The following ADAMTSL1 variants were observed in gnomAD, a reference collection of about 807,000 sequenced individuals.
ADAMTSL1 encodes the protein ADAMTS-like protein 1.
In ADAMTSL1, 126 loss-of-function variants were observed where a neutral mutation model predicts 201.8. The ratio of observed to expected loss-of-function variants is 0.62; its 90% confidence interval spans 0.54 to 0.72. The LOEUF is 0.72. ADAMTSL1 is among the 30% of genes least tolerant of loss of function. The pLI is 0.00. For missense variants in ADAMTSL1, 2,679 were observed against 2,277.8 expected (o/e 1.18, Z -3.59); for synonymous variants, 1,121 against 903.4 (o/e 1.24, Z -4.32).
chr9:17,960,880 G>A (rs945330613), intron 1 of ADAMTSL1, among the ~76,000 whole-genome samples: 1 of 152,104 alleles, frequency 6.6e-6, no homozygotes, highest in Non-Finnish European at 1.5e-5. Context: ...AACTATGTCA[G>A]GTCTCTGGAC....
At chr9:18,545,743 C>A (rs1037839468) in intron 3 of ADAMTSL1, among the ~76,000 whole-genome samples, 4 of 152,148 alleles carry the variant, frequency 2.6e-5, no homozygotes, top group Non-Finnish European at 2.9e-5. Context: ...TCTAGTGAAC[C>A]AGATAGAAGC....
upstream of ADAMTSL1, among the ~76,000 whole-genome samples, chr9:18,470,952 C>T (rs901721774): frequency 5.9e-5 from 9 of 152,130 alleles, no homozygotes; most frequent in Admixed American, 2.6e-4. Context: ...CACTTGCAGA[C>T]GGTTTTAATT....
chr9:18,438,518 C>G (rs1488430657), intron 2 of ADAMTSL1, among the ~76,000 whole-genome samples: 1 of 152,132 alleles, frequency 6.6e-6, no homozygotes, highest in South Asian at 2.1e-4. Context: ...ATTTTGGAAC[C>G]AAGGCTGGCT....
At chr9:18,753,591 T>C in intron 16 of ADAMTSL1, 83 bp downstream of exon 16, 15 of 1,458,996 alleles carry the variant, frequency 1.0e-5, no homozygotes, top group Non-Finnish European at 1.4e-5. Context: ...AGTGGTTTTG[T>C]CCAGGGATGT....
intron 2 of ADAMTSL1, among the ~76,000 whole-genome samples, chr9:18,213,880 C>T (rs1037470047): frequency 3.9e-5 from 6 of 152,048 alleles, no homozygotes; most frequent in African/African-American, 1.4e-4. Flanking sequence ...GCTGGGATTA[C>T]ACGCCTGGCT....
intron 2 of ADAMTSL1, among the ~76,000 whole-genome samples, chr9:18,218,740 C>G (rs1830146091): frequency 1.3e-5 from 2 of 151,844 alleles, no homozygotes; most frequent in Non-Finnish European, 1.5e-5. Flanking sequence ...TTTGGAGCCT[C>G]TTCTTATATA....
chr9:18,293,878 G>A (rs1833369900), intron 2 of ADAMTSL1, among the ~76,000 whole-genome samples: 1 of 152,156 alleles, frequency 6.6e-6, no homozygotes, highest in African/African-American at 2.4e-5. Flanking sequence ...GCTTCTAATA[G>A]GCCAAAAATG....
intron 2 of ADAMTSL1, among the ~76,000 whole-genome samples, chr9:18,324,479 A>C (rs975598434): frequency 6.6e-6 from 1 of 151,658 alleles, no homozygotes; most frequent in Non-Finnish European, 1.5e-5. Context: ...AACACACTAC[A>C]TCAGGCTAGG....
chr9:17,965,849 G>A (rs550265307), intron 1 of ADAMTSL1, among the ~76,000 whole-genome samples: 12 of 152,220 alleles, frequency 7.9e-5, no homozygotes, highest in African/African-American at 2.6e-4. Context: ...CCAGTCCTCT[G>A]GGCGATGGGA....
chr9:18,185,044 T>C (rs1295425774), intron 2 of ADAMTSL1, among the ~76,000 whole-genome samples: 1 of 152,118 alleles, frequency 6.6e-6, no homozygotes, highest in Admixed American at 6.6e-5. Context: ...ATTTTGGATG[T>C]CAGATTTTCA....
rs924324148 is a variant in ADAMTSL1 at position 18,660,512 on chromosome 9, A to G, written c.947-1423A>G. 8.5e-5 allele frequency among the ~76,000 whole-genome samples: 13 copies of G among 152,364 alleles called. No individual in the cohort carries two copies. In the East Asian group the frequency reaches 2.5e-3, roughly 29 times the overall value. ...TTTAGGCTGACAAATTTTGATTTTG[A>G]AGAATAATCATCTCAGATTAATAAT... On this transcript the variant is annotated intron_variant, in intron 8 of 28. Coordinates refer to ENST00000380548, the MANE Select transcript of ADAMTSL1 (RefSeq NM_001040272.6).
intron 2 of ADAMTSL1, among the ~76,000 whole-genome samples, chr9:18,466,350 ATCTTATATTTTATTTCCTTCTT>A: frequency 6.6e-6 from 1 of 152,112 alleles, no homozygotes. Context: ...CCATGCTGTT[ATCTTATATTTTATTTCCTTCTT>A]GCCATACTCA....
chr9:18,393,182 C>T (rs558874585), intron 2 of ADAMTSL1, among the ~76,000 whole-genome samples: 9 of 152,306 alleles, frequency 5.9e-5, no homozygotes, highest in African/African-American at 1.9e-4. Flanking sequence ...AGTCTATTAT[C>T]CTTTATACAA....
intron 2 of ADAMTSL1, among the ~76,000 whole-genome samples, chr9:18,200,513 C>T (rs1829396382): frequency 6.6e-6 from 1 of 151,994 alleles, no homozygotes; most frequent in African/African-American, 2.4e-5. Flanking sequence ...ATAATAAACG[C>T]ATACATTTTT....
At chr9:18,263,053 G>C (rs1397333315) in intron 2 of ADAMTSL1, among the ~76,000 whole-genome samples, 1 of 152,170 alleles carries the variant, frequency 6.6e-6, no homozygotes, top group East Asian at 1.9e-4. Flanking sequence ...GCTGACATCA[G>C]TAAAGTGATT....
At chr9:18,062,451 T>C (rs1822500975) in intron 1 of ADAMTSL1, among the ~76,000 whole-genome samples, 1 of 152,148 alleles carries the variant, frequency 6.6e-6, no homozygotes. Flanking sequence ...TAAAAATGCA[T>C]ATGAGTGAAA....
intron 1 of ADAMTSL1, among the ~76,000 whole-genome samples, chr9:17,914,050 C>T (rs1204411824): frequency 1.3e-5 from 2 of 152,132 alleles, no homozygotes; most frequent in African/African-American, 2.4e-5. Flanking sequence ...ACCAAAAAGA[C>T]TCCAGGACCA....
rs369204640 is a variant in ADAMTSL1, at chr9:18,248,764, A to C, written c.207+84783A>C. Among the ~76,000 whole-genome samples the C allele has an allele frequency of 2.0e-5, 3 of 152,270 alleles. No individual in the cohort carries two copies. In the South Asian group the frequency reaches 6.2e-4, roughly 32 times the overall value. ...GCCTTGTCACTACAAAGAGATTCCA[A>C]TTCCGATTCACTCTCTGACTGTCTC... On this transcript the variant is annotated intron_variant, in intron 2 of 29. Transcript: ENST00000680146.
chr9:18,456,815 A>G (rs1487778197), intron 2 of ADAMTSL1, among the ~76,000 whole-genome samples: 1 of 151,982 alleles, frequency 6.6e-6, no homozygotes, highest in Non-Finnish European at 1.5e-5. Flanking sequence ...TTGCACTTCA[A>G]CCCCACCATG....
Sources: gnomAD v4.1 joint callset for allele counts (sites outside exome capture counted in the v4.1 genomes callset) on GRCh38, gnomAD v4.1.1 for gene constraint, MANE v1.5 for transcripts, NCBI Gene and HGNC (gene_info 2026-07-23, HGNC 2026-07-21) for gene names.